PDZRN4: variants seen among roughly 807,000 people sequenced by gnomAD.
PDZRN4 encodes PDZ domain-containing RING finger protein 4.
In PDZRN4, 70 loss-of-function variants were observed where a neutral mutation model predicts 99.0. That is an observed-to-expected ratio of 0.71 (90% CI 0.58 to 0.86). PDZRN4 has a LOEUF of 0.86. PDZRN4 is among the 40% of genes least tolerant of loss of function. The pLI is 0.00. For synonymous variants in PDZRN4, 551 were observed against 501.6 expected (o/e 1.10, Z -1.32); for missense variants, 1,474 against 1,331.2 (o/e 1.11, Z -1.67).
At chr12:41,508,855 C>A (rs1938254451) in intron 4 of PDZRN4, among the ~76,000 whole-genome samples, 1 of 151,162 alleles carries the variant, frequency 6.6e-6, no homozygotes, top group Non-Finnish European at 1.5e-5. Context: ...CTAATTGATA[C>A]TGCTATCTCC....
intron 3 of PDZRN4, among the ~76,000 whole-genome samples, chr12:41,235,064 A>G (rs1951056949): frequency 6.6e-6 from 1 of 152,144 alleles, no homozygotes. Context: ...AACACCTTTC[A>G]GAGCATTGAA....
chr12:41,415,301 A>G (rs1379768), intron 3 of PDZRN4, among the ~76,000 whole-genome samples: 82,852 of 149,382 alleles, frequency 0.55, 24,398 homozygotes, highest in African/African-American at 0.77. Flanking sequence ...AGGAAAAGTC[A>G]ATGGAAATTT....
At chr12:41,473,074 G>A (rs1953008230) in intron 3 of PDZRN4, among the ~76,000 whole-genome samples, 2 of 151,996 alleles carry the variant, frequency 1.3e-5, no homozygotes, top group Admixed American at 1.3e-4. Flanking sequence ...AGCCTCTTAA[G>A]TTGGGTAAGA....
At chr12:41,527,665 C>A (rs1289488915) in intron 5 of PDZRN4, among the ~76,000 whole-genome samples, 1 of 152,142 alleles carries the variant, frequency 6.6e-6, no homozygotes, top group East Asian at 1.9e-4. Flanking sequence ...TATAGCCAAC[C>A]ACTGACCAAA....
At chr12:41,543,603 G>A (rs998962293) in intron 5 of PDZRN4, among the ~76,000 whole-genome samples, 5 of 152,014 alleles carry the variant, frequency 3.3e-5, no homozygotes, top group Non-Finnish European at 7.4e-5. Flanking sequence ...CTTGTTGCAG[G>A]GGCTCAAATA....
At chr12:41,373,591 C>T (rs1952059355) in intron 3 of PDZRN4, among the ~76,000 whole-genome samples, 1 of 152,136 alleles carries the variant, frequency 6.6e-6, no homozygotes, top group South Asian at 2.1e-4. Context: ...ATTCCCTGAA[C>T]ATTGCTGTTA....
chr12:41,387,306 G>T (rs536207432), intron 3 of PDZRN4, among the ~76,000 whole-genome samples: 4 of 152,032 alleles, frequency 2.6e-5, no homozygotes, highest in Admixed American at 2.6e-4. Flanking sequence ...TGCATAGGCC[G>T]GGTGCAGTGG....
At chr12:41,436,885 G>C (rs1465936568) in intron 3 of PDZRN4, among the ~76,000 whole-genome samples, 1 of 152,104 alleles carries the variant, frequency 6.6e-6, no homozygotes, top group Non-Finnish European at 1.5e-5. Context: ...ACTATTGCCA[G>C]TATCAGCTTT....
intron 3 of PDZRN4, among the ~76,000 whole-genome samples, chr12:41,479,921 A>T (rs1238281678): frequency 6.6e-6 from 1 of 152,230 alleles, no homozygotes; most frequent in Non-Finnish European, 1.5e-5. Context: ...GTGAATGAAC[A>T]TCATTGGTCC....
chr12:41,452,608 G>A (rs1397557923), intron 3 of PDZRN4, among the ~76,000 whole-genome samples: 1 of 151,964 alleles, frequency 6.6e-6, no homozygotes, highest in Non-Finnish European at 1.5e-5. Flanking sequence ...TAGTTACTGG[G>A]TTACTTAGGG....
At chr12:41,541,775 T>C (rs1002304717) in intron 5 of PDZRN4, among the ~76,000 whole-genome samples, 2 of 152,160 alleles carry the variant, frequency 1.3e-5, no homozygotes, top group African/African-American at 4.8e-5. Flanking sequence ...TTTTTAAAAA[T>C]TCCCTTGAAG....
chr12:41,469,781 T>A (rs573407669), intron 3 of PDZRN4, among the ~76,000 whole-genome samples: 1 of 151,820 alleles, frequency 6.6e-6, no homozygotes, highest in Middle Eastern at 3.2e-3. Context: ...AATACAAAAA[T>A]TAGCCGGGCG....
chr12:41,241,294 A>T (rs1018037801), intron 3 of PDZRN4, among the ~76,000 whole-genome samples: 1 of 152,206 alleles, frequency 6.6e-6, no homozygotes, highest in African/African-American at 2.4e-5. Flanking sequence ...GTGCAGATAA[A>T]GGATACCAGG....
chr12:41,510,933 G>A (rs977376940), intron 5 of PDZRN4, among the ~76,000 whole-genome samples: 2 of 152,070 alleles, frequency 1.3e-5, no homozygotes, highest in African/African-American at 4.8e-5. Flanking sequence ...TGTCATTCTT[G>A]TGTTGTTCAT....
At chr12:41,273,332 G>A (rs186932369) in intron 3 of PDZRN4, among the ~76,000 whole-genome samples, 3 of 152,152 alleles carry the variant, frequency 2.0e-5, no homozygotes, top group East Asian at 1.9e-4. Context: ...GCTGGCAAGC[G>A]CAAGAATGAT....
chr12:41,570,155 G>A (rs1376838879), intron 9 of PDZRN4, among the ~76,000 whole-genome samples: 1 of 152,184 alleles, frequency 6.6e-6, no homozygotes, highest in East Asian at 1.9e-4. Context: ...AGATGCCTCT[G>A]AGGTTAGATT....
chr12:41,394,771 G>A (rs1952234169), intron 3 of PDZRN4, among the ~76,000 whole-genome samples: 1 of 149,326 alleles, frequency 6.7e-6, no homozygotes, highest in Admixed American at 6.6e-5. Context: ...GCTTCTCTTA[G>A]AGTAAATGAG....
chr12:41,237,358 G>T (rs186921994), intron 3 of PDZRN4, among the ~76,000 whole-genome samples: 2 of 152,010 alleles, frequency 1.3e-5, no homozygotes, highest in Non-Finnish European at 2.9e-5. Flanking sequence ...ATATGGGCAC[G>T]TTTGTAGCAA....
intron 3 of PDZRN4, among the ~76,000 whole-genome samples, chr12:41,219,867 G>A (rs1024326122): frequency 3.9e-5 from 6 of 152,104 alleles, no homozygotes; most frequent in Non-Finnish European, 8.8e-5. Flanking sequence ...TTCTGCTACT[G>A]ATATAACCAA....
Sources: gnomAD v4.1 joint callset for allele counts (sites outside exome capture counted in the v4.1 genomes callset) on GRCh38, gnomAD v4.1.1 for gene constraint, MANE v1.5 for transcripts, NCBI Gene and HGNC (gene_info 2026-07-23, HGNC 2026-07-21) for gene names.